Variants in MSRA observed in about 807,000 individuals in gnomAD.
MSRA encodes mitochondrial peptide methionine sulfoxide reductase.
Under a neutral mutation model 31.3 loss-of-function variants are expected in MSRA, and 54 were observed. That is an observed-to-expected ratio of 1.73 (90% CI 1.39 to 2.17). MSRA has a LOEUF of 2.17. Among genes scored for constraint, MSRA ranks in the 30% most tolerant of loss-of-function variants. The probability of loss-of-function intolerance (pLI) is 0.00; values close to 1 mark genes in which losing one functional copy is unlikely to be tolerated. For synonymous variants in MSRA, 169 were observed against 116.5 expected, an observed-to-expected ratio of 1.45 and a Z score of -2.90; for missense variants, 507 against 300.9, an observed-to-expected ratio of 1.69 and a Z score of -5.07.
chr8:10,269,197 G>A (rs1798900869), intron 3 of MSRA, among the ~76,000 whole-genome samples: 1 of 152,200 alleles, frequency 6.6e-6, no homozygotes, highest in African/African-American at 2.4e-5. Context: ...CCAAACAATT[G>A]TGCTCCAACA....
chr8:10,137,195 T>G (rs1802347084), intron 1 of MSRA, among the ~76,000 whole-genome samples: 1 of 152,190 alleles, frequency 6.6e-6, no homozygotes, highest in Non-Finnish European at 1.5e-5. Context: ...CTTCTTTATT[T>G]TGACGTGAGT....
At chr8:10,144,235 A>G (rs768954651) in intron 1 of MSRA, among the ~76,000 whole-genome samples, 1 of 152,140 alleles carries the variant, frequency 6.6e-6, no homozygotes, top group Non-Finnish European at 1.5e-5. Flanking sequence ...TCATATTGCA[A>G]ATTGCTTTGT....
At chr8:10,293,313 G>A (rs748026318) in intron 3 of MSRA, among the ~76,000 whole-genome samples, 5 of 152,320 alleles carry the variant, frequency 3.3e-5, no homozygotes, top group Admixed American at 2.0e-4. Context: ...TTGTGGCTTT[G>A]CAACAACAAA....
At chr8:10,421,085 G>T (rs1294245610) in intron 5 of MSRA, among the ~76,000 whole-genome samples, 1 of 152,152 alleles carries the variant, frequency 6.6e-6, no homozygotes, top group Non-Finnish European at 1.5e-5. Flanking sequence ...GCTGGGTAGG[G>T]AGAGTCTGAC....
chr8:10,308,195 C>T (rs1305895931), intron 4 of MSRA, among the ~76,000 whole-genome samples: 2 of 152,226 alleles, frequency 1.3e-5, no homozygotes, highest in African/African-American at 4.8e-5. Context: ...TTCTTATTCT[C>T]ATTTTCTACA....
intron 4 of MSRA, among the ~76,000 whole-genome samples, chr8:10,312,064 T>G (rs928093522): frequency 6.6e-6 from 1 of 152,186 alleles, no homozygotes; most frequent in Admixed American, 6.5e-5. Flanking sequence ...TATAGAGCCT[T>G]AAATTCATAT....
At chr8:10,186,168 T>G (rs977558773) in intron 1 of MSRA, among the ~76,000 whole-genome samples, 1 of 152,216 alleles carries the variant, frequency 6.6e-6, no homozygotes, top group African/African-American at 2.4e-5. Flanking sequence ...TTTCCTATCA[T>G]GTATTCACCT....
At chr8:10,301,181 T>C (rs1026656981) in intron 3 of MSRA, among the ~76,000 whole-genome samples, 3 of 152,238 alleles carry the variant, frequency 2.0e-5, no homozygotes, top group East Asian at 1.9e-4. Flanking sequence ...TCTTTCCCTT[T>C]GCAGAGTTTC....
At chr8:10,281,653 A>G (rs1425255138) in intron 3 of MSRA, among the ~76,000 whole-genome samples, 3 of 152,194 alleles carry the variant, frequency 2.0e-5, no homozygotes, top group South Asian at 4.1e-4. Flanking sequence ...GGCATGTGCT[A>G]CAGGGGAAAA....
Position 10,319,920 on chromosome 8 carries a change from C to G in MSRA, c.474C>G (p.Arg158=). ...GGAACGACCATGGCACTCAGTACCGCTCGGCCATCTACCCGACCTCTGCCA... is the reference window on the plus strand; with the variant it reads ...GGAACGACCATGGCACTCAGTACCGGTCGGCCATCTACCCGACCTCTGCCA... ...RQGNDHGTQY[R]SAIYPTSAKQ... is the part of the protein sequence containing the mutation. The change falls in exon 5 of 6, where the codon CGC becomes CGG. Residue 158 remains arginine, a synonymous_variant. Transcript: ENST00000317173. 6.3e-7 allele frequency: 1 copy of G among 1,599,532 alleles called. No homozygotes were observed. Among genetic ancestry groups the G allele is most frequent in the South Asian group, 1.2e-5 (1 of 86,872 alleles).
chr8:10,270,370 T>C (rs1213957589), intron 3 of MSRA, among the ~76,000 whole-genome samples: 3 of 149,640 alleles, frequency 2.0e-5, no homozygotes, highest in Admixed American at 6.7e-5. Context: ...TCGTTTTCCA[T>C]AGAAATTATG....
At chr8:10,388,142 G>T (rs1319465756) in intron 5 of MSRA, among the ~76,000 whole-genome samples, 1 of 152,168 alleles carries the variant, frequency 6.6e-6, no homozygotes, top group East Asian at 1.9e-4. Context: ...TCAGGGATAA[G>T]TAATTCAAAG....
Position 10,412,062 on chromosome 8 carries a change from A to G in MSRA, c.544-16086A>G, listed in dbSNP as rs1168712628. ...GCAGAAATCTTCTGATGCAAACTGC[A>G]TTCTTTTAGAATATATGATACTTTA... On this transcript the variant is annotated intron_variant, in intron 5 of 5. Transcript: ENST00000317173. Among the ~76,000 whole-genome samples the G allele has an allele frequency of 3.9e-5, 6 of 152,276 alleles. No homozygotes were observed. The East Asian group carries it at 1.2e-3, about 29-fold the overall frequency.
chr8:10,163,248 G>A (rs777443332), intron 1 of MSRA, among the ~76,000 whole-genome samples: 29 of 152,180 alleles, frequency 1.9e-4, no homozygotes, highest in Non-Finnish European at 3.5e-4. Context: ...GTGGCAGTTC[G>A]TTATAGCAGC....
At position 10,267,872 on chromosome 8, in the gene MSRA, C is replaced by T. The variant is rs747264794; in HGVS notation, c.331+22649C>T. On this transcript the variant is annotated intron_variant, in intron 3 of 5. Transcript: ENST00000317173. ...TTTTATGTGGAAAAAATGACTTGCA[C>T]GTGTTCGTTTGGGAGGCACCATGAA... is the stretch of plus-strand genomic sequence containing the variant. Among the ~76,000 whole-genome samples the T allele has an allele frequency of 3.3e-5, 5 of 152,134 alleles. No individual in the cohort carries two copies. In the South Asian group the frequency reaches 8.3e-4, roughly 25 times the overall value.
intron 5 of MSRA, among the ~76,000 whole-genome samples, chr8:10,350,510 A>G (rs1354475066): frequency 6.6e-6 from 1 of 152,210 alleles, no homozygotes; most frequent in Admixed American, 6.5e-5. Flanking sequence ...TGAATCTACT[A>G]TTAAGATGGA....
At chr8:10,283,836 T>TACACACACACACACACACAC (rs372503609) in intron 3 of MSRA, among the ~76,000 whole-genome samples, 38 of 53,144 alleles carry the variant, frequency 7.2e-4, no homozygotes, top group Middle Eastern at 0.014. Context: ...TATATATATA[T>TACACACACACACACACACAC]ACACACACAC....
intron 5 of MSRA, among the ~76,000 whole-genome samples, chr8:10,380,236 T>G (rs1018096343): frequency 6.6e-6 from 1 of 152,230 alleles, no homozygotes; most frequent in Non-Finnish European, 1.5e-5. Context: ...TTCCTTTTTA[T>G]CTCTCTGGAT....
intron 4 of MSRA, among the ~76,000 whole-genome samples, chr8:10,319,567 A>G (rs987077136): frequency 1.3e-5 from 2 of 151,830 alleles, no homozygotes; most frequent in East Asian, 1.9e-4. Context: ...ACATGTGACA[A>G]TTGGAGTAGA....
Sources: gnomAD v4.1 joint callset for allele counts (sites outside exome capture counted in the v4.1 genomes callset) on GRCh38, gnomAD v4.1.1 for gene constraint, MANE v1.5 for transcripts, NCBI Gene and HGNC (gene_info 2026-07-23, HGNC 2026-07-21) for gene names.